The following LCORL variants were observed in gnomAD, a reference collection of about 807,000 sequenced individuals.
LCORL encodes the protein ligand dependent nuclear receptor corepressor like, also known as ligand-dependent nuclear receptor corepressor-like protein.
A neutral mutation model predicts 141.8 loss-of-function variants in LCORL; 41 were observed. The ratio of observed to expected loss-of-function variants is 0.29; its 90% CI spans 0.23 to 0.38. The LOEUF (loss-of-function observed/expected upper bound fraction) is 0.38. Among genes scored for constraint, LCORL ranks in the 10% least tolerant of loss-of-function variants. LCORL has a pLI of 1.00. For synonymous variants in LCORL, 618 were observed against 694.1 expected (o/e 0.89, Z 1.72); for missense variants, 1,759 against 2,035.0 (o/e 0.86, Z 2.61).
At chr4:17,957,711 AC>A (rs1712957993) in intron 4 of LCORL, among the ~76,000 whole-genome samples, 1 of 152,010 alleles carries the variant, frequency 6.6e-6, no homozygotes, top group South Asian at 2.1e-4. Flanking sequence ...TCTTACAGGT[AC>A]CTGGTAAGAA....
chr4:17,926,187 G>C (rs975530572), intron 4 of LCORL, among the ~76,000 whole-genome samples: 4 of 152,146 alleles, frequency 2.6e-5, no homozygotes, highest in Non-Finnish European at 5.9e-5. Flanking sequence ...GGTTAATACT[G>C]AGTGTCAACT....
At chr4:17,868,240 A>G (rs1725915801) in intron 7 of LCORL, among the ~76,000 whole-genome samples, 1 of 152,214 alleles carries the variant, frequency 6.6e-6, no homozygotes, top group African/African-American at 2.4e-5. Flanking sequence ...TGTGAAAACC[A>G]GAATTCTGAA....
intron 1 of LCORL, 33 bp from the exon 2 acceptor site, chr4:17,972,918 T>G (rs1042829115): frequency 9.6e-7 from 1 of 1,038,436 alleles, no homozygotes; most frequent in African/African-American, 1.7e-5. Flanking sequence ...GTATATTAAC[T>G]ACTAGAAAAG....
intron 7 of LCORL, among the ~76,000 whole-genome samples, chr4:17,849,978 A>C (rs1377713223): frequency 6.6e-6 from 1 of 151,650 alleles, no homozygotes; most frequent in African/African-American, 2.4e-5. Flanking sequence ...ATAATGCCAC[A>C]TATCTACAAC....
At chr4:17,863,155 A>C (rs188038420) in intron 7 of LCORL, among the ~76,000 whole-genome samples, 2 of 152,276 alleles carry the variant, frequency 1.3e-5, no homozygotes, top group African/African-American at 4.8e-5. Flanking sequence ...ATCTCTACTA[A>C]AGATACAATA....
chr4:17,898,798 A>T (rs1237278483), intron 5 of LCORL, among the ~76,000 whole-genome samples: 1 of 152,054 alleles, frequency 6.6e-6, no homozygotes, highest in Non-Finnish European at 1.5e-5. Flanking sequence ...CTGAATGCAT[A>T]TCATTCCATA....
At chr4:17,948,005 A>C (rs1439683778) in intron 4 of LCORL, among the ~76,000 whole-genome samples, 1 of 152,012 alleles carries the variant, frequency 6.6e-6, no homozygotes, top group African/African-American at 2.4e-5. Flanking sequence ...AGGAAATGAG[A>C]AGCAGCAAAA....
At chr4:17,882,810 T>G (rs1727751922) in intron 6 of LCORL, 4 of 984,644 alleles carry the variant, frequency 4.1e-6, no homozygotes, top group Non-Finnish European at 1.2e-6. Flanking sequence ...ACCAGCACAT[T>G]TAAACCAAAA....
At chr4:17,967,599 C>T (rs1210122739) in intron 2 of LCORL, among the ~76,000 whole-genome samples, 1 of 152,094 alleles carries the variant, frequency 6.6e-6, no homozygotes, top group East Asian at 1.9e-4. Context: ...TACTTATTTA[C>T]CACAAATATT....
chr4:17,911,006 T>G (rs1202015419), intron 4 of LCORL, among the ~76,000 whole-genome samples: 17 of 152,194 alleles, frequency 1.1e-4, no homozygotes, highest in African/African-American at 4.1e-4. Context: ...AGCTATAGTT[T>G]GGGATCTTAG....
chr4:17,989,661 TATAAA>T (rs1350152059), intron 1 of LCORL, among the ~76,000 whole-genome samples: 1 of 152,222 alleles, frequency 6.6e-6, no homozygotes, highest in African/African-American at 2.4e-5. Context: ...TTAAAAATAC[TATAAA>T]ATGTCTTCAT....
chr4:17,901,679 T>A (rs1446603886), intron 5 of LCORL, among the ~76,000 whole-genome samples: 1 of 152,006 alleles, frequency 6.6e-6, no homozygotes, highest in East Asian at 1.9e-4. Context: ...CTTTAAAACC[T>A]TCTAAGGTAA....
chr4:17,989,327 T>C (rs1719573295), intron 1 of LCORL, among the ~76,000 whole-genome samples: 1 of 152,248 alleles, frequency 6.6e-6, no homozygotes, highest in Non-Finnish European at 1.5e-5. Context: ...AGATATCATA[T>C]CTTTATCAGA....
At chr4:17,851,351 G>A (rs1278936079) in intron 7 of LCORL, among the ~76,000 whole-genome samples, 1 of 151,922 alleles carries the variant, frequency 6.6e-6, no homozygotes, top group African/African-American at 2.4e-5. Context: ...CCCTCTTCTG[G>A]GGCAACTATT....
intron 1 of LCORL, among the ~76,000 whole-genome samples, chr4:17,974,870 C>T (rs1320853766): frequency 6.6e-6 from 1 of 152,036 alleles, no homozygotes; most frequent in Non-Finnish European, 1.5e-5. Flanking sequence ...AAAAAAGTTG[C>T]TCAAAAGATT....
chr4:17,937,975 G>A (rs1392012281), intron 4 of LCORL, among the ~76,000 whole-genome samples: 1 of 150,686 alleles, frequency 6.6e-6, no homozygotes, highest in African/African-American at 2.4e-5. Flanking sequence ...ATAAAAGGAA[G>A]CTTTAGACTT....
At chr4:17,868,313 C>CT (rs1012635005) in intron 7 of LCORL, among the ~76,000 whole-genome samples, 25 of 149,786 alleles carry the variant, frequency 1.7e-4, no homozygotes, top group East Asian at 9.8e-4. Context: ...AGCTGACAAA[C>CT]TTTTTTTTTT....
At chr4:17,911,304 G>A (rs1258976535) in intron 4 of LCORL, among the ~76,000 whole-genome samples, 6 of 151,920 alleles carry the variant, frequency 3.9e-5, no homozygotes, top group Non-Finnish European at 7.4e-5. Context: ...AAAAGTACGA[G>A]GGGTCTTCAA....
chr4:17,995,473 G>A (rs558711485), intron 1 of LCORL, among the ~76,000 whole-genome samples: 2 of 152,156 alleles, frequency 1.3e-5, no homozygotes, highest in East Asian at 3.9e-4. Context: ...CCAAGGCTGA[G>A]AAACTCAGCA....
Sources: gnomAD v4.1 joint callset for allele counts (sites outside exome capture counted in the v4.1 genomes callset) on GRCh38, gnomAD v4.1.1 for gene constraint, MANE v1.5 for transcripts, NCBI Gene and HGNC (gene_info 2026-07-23, HGNC 2026-07-21) for gene names.